The following SPG21 variants were observed in gnomAD, a reference collection of about 807,000 sequenced individuals.
The protein encoded by SPG21 is SPG21 abhydrolase domain containing, maspardin.
SPG21 carries 26 observed loss-of-function variants against 38.9 expected under a neutral mutation model. The observed-to-expected ratio is 0.67, with a 90% confidence interval of 0.49 to 0.93. SPG21 has a LOEUF of 0.93. SPG21 is among the 40% of genes least tolerant of loss of function. The probability of loss-of-function intolerance (pLI) is 0.00; values close to 1 mark genes in which losing one functional copy is unlikely to be tolerated. For synonymous variants in SPG21, 136 were observed against 128.9 expected (o/e 1.05, Z -0.37); for missense variants, 333 against 376.5 (o/e 0.88, Z 0.96).
chr15:64,987,009 G>T (rs2086008537), intron 1 of SPG21, among the ~76,000 whole-genome samples: 1 of 152,206 alleles, frequency 6.6e-6, no homozygotes, highest in Non-Finnish European at 1.5e-5. Flanking sequence ...AAGCCAGAAA[G>T]TGTGCTTCTA....
At chr15:64,987,894 C>T (rs1214186747) in intron 1 of SPG21, among the ~76,000 whole-genome samples, 6 of 152,138 alleles carry the variant, frequency 3.9e-5, no homozygotes, top group African/African-American at 1.4e-4. Flanking sequence ...ATTAGCTAGG[C>T]GTGGTGGCAC....
intron 5 of SPG21, among the ~76,000 whole-genome samples, chr15:64,971,677 A>G (rs147688510): frequency 1.3e-5 from 2 of 152,020 alleles, no homozygotes; most frequent in Non-Finnish European, 2.9e-5. Context: ...CTCTACTAAA[A>G]ATACAAAAAT....
At position 64,980,926 on chromosome 15, in the gene SPG21, T is replaced by C; in HGVS notation, c.163A>G (p.Thr55Ala). 5 of 1,612,132 alleles carry C rather than the reference T, an allele frequency of 3.1e-6. No homozygotes were observed. The highest frequency in any genetic ancestry group is 4.2e-6 in the Non-Finnish European group (5 of 1,178,552). Residue 55 changes from threonine to alanine, a missense_variant, in exon 3 of 9, where the codon ACT becomes GCT. Coordinates refer to ENST00000204566, the MANE Select transcript of SPG21 (RefSeq NM_016630.7). ...ATCTGCCGGAAAAAGACATCTGCAG[T>C]TCCACTGACAGGGGGCAGGAATATG... ...PLIFLPPVSGTADVFFRQILA... is the reference protein window; with the variant it reads ...PLIFLPPVSGAADVFFRQILA...
chr15:64,974,839 G>T, intron 4 of SPG21, 92 bp from the exon 5 acceptor site: 1 of 1,427,058 alleles, frequency 7.0e-7, no homozygotes, highest in Non-Finnish European at 9.8e-7. Context: ...ACTAACCACA[G>T]AATATGTTAT....
chr15:64,988,022 G>C (rs1048503247), intron 1 of SPG21, among the ~76,000 whole-genome samples: 1 of 151,286 alleles, frequency 6.6e-6, no homozygotes. Context: ...CAACGAGAGC[G>C]AAACTCCATC....
chr15:64,966,199 C>T (rs1314618156), intron 7 of SPG21, among the ~76,000 whole-genome samples: 1 of 151,756 alleles, frequency 6.6e-6, no homozygotes, highest in Non-Finnish European at 1.5e-5. Flanking sequence ...AAAAAAATTC[C>T]AAAAAAATGT....
At chr15:64,985,546 A>C (rs576327398) in intron 1 of SPG21, among the ~76,000 whole-genome samples, 419 of 152,336 alleles carry the variant, frequency 2.8e-3, no homozygotes, top group African/African-American at 9.6e-3. Context: ...TCTTATTGCC[A>C]AGTGAGGAAA....
chr15:64,976,447 T>C, intron 4 of SPG21, 28 bp downstream of exon 4: 1 of 1,493,162 alleles, frequency 6.7e-7, no homozygotes, highest in Non-Finnish European at 9.3e-7. Context: ...AAAAATTGTA[T>C]GTATGTAATT....
Position 64,963,582 on chromosome 15 carries a change from C to A in SPG21, c.*38G>T, listed in dbSNP as rs752486242. 5.8e-6 allele frequency: 9 copies of A among 1,560,186 alleles called. No homozygotes were observed. Among genetic ancestry groups the A allele is most frequent in the Non-Finnish European group, 7.9e-6 (9 of 1,132,468 alleles). On this transcript the variant is annotated 3_prime_UTR_variant, in exon 9 of 9. Coordinates refer to ENST00000204566, the MANE Select transcript of SPG21 (RefSeq NM_016630.7). ...GCTGATGCCACTGACTATACAAGAA[C>A]ACACCGGGTCAACTCATCATTGACA... is the stretch of plus-strand genomic sequence containing the variant.
chr15:64,964,877 G>T (rs2085513250), intron 8 of SPG21, among the ~76,000 whole-genome samples: 1 of 152,114 alleles, frequency 6.6e-6, no homozygotes, highest in African/African-American at 2.4e-5. Context: ...TGATCTGCCT[G>T]CCTCAGCCTC....
At chr15:64,972,765 G>A (rs1444347212) in intron 5 of SPG21, among the ~76,000 whole-genome samples, 1 of 152,240 alleles carries the variant, frequency 6.6e-6, no homozygotes, top group Non-Finnish European at 1.5e-5. Context: ...CTGGGAGGCA[G>A]AGCTTGCAGT....
chr15:64,969,740 G>A (rs937597374), intron 6 of SPG21, among the ~76,000 whole-genome samples: 14 of 149,774 alleles, frequency 9.3e-5, no homozygotes, highest in Non-Finnish European at 1.2e-4. Context: ...AGAGATTTGA[G>A]AAATCATCTA....
chr15:64,968,356 AAAAG>A (rs1391508114), intron 7 of SPG21, among the ~76,000 whole-genome samples: 6 of 151,580 alleles, frequency 4.0e-5, no homozygotes, highest in African/African-American at 1.2e-4. Flanking sequence ...AAAAAAAAAA[AAAAG>A]AAAGAAATGA....
At chr15:64,986,732 C>CAAA (rs201937468) in intron 1 of SPG21, among the ~76,000 whole-genome samples, 2 of 150,644 alleles carry the variant, frequency 1.3e-5, no homozygotes, top group South Asian at 4.2e-4. Flanking sequence ...AAACAAAAAA[C>CAAA]AAAAAAAAAC....
Position 64,965,381 on chromosome 15 carries a change from A to G in SPG21, c.749T>C (p.Leu250Pro). Residue 250 changes from leucine (L) to proline (P), a missense_variant, in exon 8 of 9, where the codon CTG (leucine) becomes CCG (proline). Physicochemically the swap from Leu to Pro is moderately conservative, Grantham distance 98 (BLOSUM62 -3). Coordinates refer to ENST00000204566, the MANE Select transcript of SPG21 (RefSeq NM_016630.7). ...GTATGGGAAATTGCCTCCTGTTTTC[A>G]GATGAGCTCTTCGGGCATTAGGATA... The part of the protein sequence containing the change: ...KLYPNARRAH[L>P]KTGGNFPYLC... 1 of 1,614,204 alleles carries G rather than the reference A, an allele frequency of 6.2e-7. No homozygotes were observed. The highest frequency in any genetic ancestry group is 8.5e-7 in the Non-Finnish European group (1 of 1,180,046).
At chr15:64,968,323 G>A (rs2085585027) in intron 7 of SPG21, among the ~76,000 whole-genome samples, 1 of 126,678 alleles carries the variant, frequency 7.9e-6, no homozygotes, top group South Asian at 2.6e-4. Flanking sequence ...CTGGGGAACA[G>A]AGTGAGACCC....
rs1332011075 is a variant in SPG21, at chr15:64,976,462, T to A, written c.306+13A>T. The A allele has an allele frequency of 1.3e-6, 2 of 1,584,736 alleles. No homozygotes were observed. Among genetic ancestry groups the A allele is most frequent in the Admixed American group, 3.3e-5 (2 of 59,928 alleles). On this transcript the variant is annotated intron_variant, in intron 4 of 8. Coordinates refer to ENST00000204566, the MANE Select transcript of SPG21 (RefSeq NM_016630.7). ...AAAAATTGTATGTATGTAATTAGTT[T>A]CAGGGTACTCACTTTATCCAATTGT... is the stretch of plus-strand genomic sequence containing the variant.
chr15:64,976,965 C>G (rs546063747), intron 3 of SPG21, among the ~76,000 whole-genome samples: 4 of 152,188 alleles, frequency 2.6e-5, no homozygotes, highest in African/African-American at 7.2e-5. Context: ...CTAAGGAGAG[C>G]TTCCTCTCTT....
At chr15:64,978,554 A>G (rs1356465910) in intron 3 of SPG21, among the ~76,000 whole-genome samples, 2 of 152,198 alleles carry the variant, frequency 1.3e-5, no homozygotes, top group Non-Finnish European at 2.9e-5. Context: ...ACTGGAATGG[A>G]TACTGCCATA....
Sources: allele counts gnomAD v4.1 joint callset (sites outside exome capture counted in the v4.1 genomes callset), GRCh38; gene constraint gnomAD v4.1.1; transcripts MANE v1.5; gene names NCBI Gene and HGNC (gene_info 2026-07-23, HGNC 2026-07-21).